Variants in SLC25A26 observed in about 807,000 individuals in gnomAD.
SLC25A26 encodes the protein mitochondrial S-adenosylmethionine carrier protein.
SLC25A26 carries 36 observed loss-of-function variants against 37.8 expected under a neutral mutation model. That is an observed-to-expected ratio of 0.95 (90% CI 0.73 to 1.26). The LOEUF is 1.26. Among genes scored for constraint, SLC25A26 ranks in the 50% most tolerant of loss-of-function variants. SLC25A26 has a pLI of 0.00. For missense variants in SLC25A26, 390 were observed against 331.1 expected (o/e 1.18, Z -1.38); for synonymous variants, 129 against 122.5 (o/e 1.05, Z -0.35).
At chr3:66,312,987 T>C (rs906501566) in intron 5 of SLC25A26, among the ~76,000 whole-genome samples, 12 of 152,298 alleles carry the variant, frequency 7.9e-5, no homozygotes, top group East Asian at 7.7e-4. Flanking sequence ...TTGTTTGTTT[T>C]TCATGTAAAT....
At chr3:66,189,495 A>G (rs1418296710) in intron 1 of SLC25A26, among the ~76,000 whole-genome samples, 1 of 152,102 alleles carries the variant, frequency 6.6e-6, no homozygotes, top group Non-Finnish European at 1.5e-5. Context: ...GACCCTTATA[A>G]TGATTCTGAC....
At chr3:66,200,802 A>G (rs2071098866) in intron 1 of SLC25A26, among the ~76,000 whole-genome samples, 1 of 152,246 alleles carries the variant, frequency 6.6e-6, no homozygotes, top group East Asian at 1.9e-4. Flanking sequence ...CAGAGGTGGT[A>G]TAAACCTTTG....
intron 5 of SLC25A26, among the ~76,000 whole-genome samples, chr3:66,343,592 T>C (rs1190722490): frequency 1.3e-5 from 2 of 152,230 alleles, no homozygotes; most frequent in Non-Finnish European, 2.9e-5. Flanking sequence ...TGTTTAATGA[T>C]AGAATTCAAA....
At chr3:66,257,565 G>A (rs1430289346) in intron 3 of SLC25A26, among the ~76,000 whole-genome samples, 1 of 152,110 alleles carries the variant, frequency 6.6e-6, no homozygotes, top group African/African-American at 2.4e-5. Flanking sequence ...AGTCATAGAC[G>A]GAGAGTCATG....
At chr3:66,286,854 G>A (rs2074529119) in intron 5 of SLC25A26, among the ~76,000 whole-genome samples, 1 of 151,912 alleles carries the variant, frequency 6.6e-6, no homozygotes, top group African/African-American at 2.4e-5. Context: ...ATAGAGGCGG[G>A]GTCTCACCAT....
chr3:66,136,051 T>C (rs1482953704), intron 1 of SLC25A26, among the ~76,000 whole-genome samples: 1 of 152,248 alleles, frequency 6.6e-6, no homozygotes, highest in Non-Finnish European at 1.5e-5. Context: ...CAGAAATTGA[T>C]GATAAAACTA....
intron 6 of SLC25A26, among the ~76,000 whole-genome samples, chr3:66,358,195 G>A (rs2076619763): frequency 1.3e-5 from 2 of 152,112 alleles, no homozygotes; most frequent in Admixed American, 1.3e-4. Context: ...CCTCCAAATA[G>A]ATGAGCAAAT....
intron 1 of SLC25A26, among the ~76,000 whole-genome samples, chr3:66,167,046 T>C (rs576220816): frequency 3.1e-4 from 47 of 152,320 alleles, no homozygotes; most frequent in African/African-American, 9.9e-4. Context: ...GCCTTTCACC[T>C]TCCACCATGA....
At chr3:66,204,552 C>A (rs2071153724) in intron 1 of SLC25A26, among the ~76,000 whole-genome samples, 1 of 151,798 alleles carries the variant, frequency 6.6e-6, no homozygotes, top group Admixed American at 6.6e-5. Context: ...TTTATCCTTT[C>A]GGATTTTCAG....
intron 5 of SLC25A26, among the ~76,000 whole-genome samples, chr3:66,264,538 T>A (rs778621260): frequency 6.6e-6 from 1 of 152,098 alleles, no homozygotes; most frequent in Non-Finnish European, 1.5e-5. Flanking sequence ...AGCATCAGAT[T>A]CTCATAGGAA....
intron 3 of SLC25A26, 98 bp from the exon 4 acceptor site, chr3:66,261,953 C>T (rs2073545430): frequency 1.5e-6 from 1 of 671,764 alleles, no homozygotes; most frequent in East Asian, 2.9e-5. Context: ...AGTAAGCCTA[C>T]ATATTATACC....
At chr3:66,354,471 C>G (rs2076530098) in intron 6 of SLC25A26, among the ~76,000 whole-genome samples, 1 of 152,102 alleles carries the variant, frequency 6.6e-6, no homozygotes, top group Non-Finnish European at 1.5e-5. Context: ...ATAATAATTA[C>G]TTAGATCTCT....
chr3:66,150,841 A>G (rs2070197417), intron 1 of SLC25A26, among the ~76,000 whole-genome samples: 2 of 151,316 alleles, frequency 1.3e-5, no homozygotes, highest in Admixed American at 6.6e-5. Context: ...CTTATTGGAT[A>G]TTTGATAGAC....
intron 1 of SLC25A26, among the ~76,000 whole-genome samples, chr3:66,180,433 T>G (rs555602814): frequency 5.3e-5 from 8 of 152,280 alleles, no homozygotes; most frequent in African/African-American, 1.7e-4. Flanking sequence ...AACTCTTGAC[T>G]CCTTCAGACC....
intron 1 of SLC25A26, 69 bp from the exon 2 acceptor site, chr3:66,236,475 C>A: frequency 7.7e-7 from 1 of 1,290,326 alleles, no homozygotes; most frequent in South Asian, 1.8e-5. Flanking sequence ...TCTTCGCCCC[C>A]AAGTGGCCGA....
At chr3:66,201,006 C>T (rs1371764654) in intron 1 of SLC25A26, among the ~76,000 whole-genome samples, 1 of 152,250 alleles carries the variant, frequency 6.6e-6, no homozygotes, top group South Asian at 2.1e-4. Flanking sequence ...GAGAAAAAGA[C>T]TGATATTTCT....
chr3:66,209,901 TATATATATATATATATATATA>T (rs2071258551), intron 1 of SLC25A26, among the ~76,000 whole-genome samples: 5 of 14,484 alleles, frequency 3.5e-4, no homozygotes, highest in African/African-American at 7.4e-4. Context: ...TCTCTATTTA[TATATATATATATATATATATA>T]TATATATATA....
chr3:66,297,469 C>A (rs1184370683), intron 5 of SLC25A26, among the ~76,000 whole-genome samples: 1 of 151,974 alleles, frequency 6.6e-6, no homozygotes, highest in Admixed American at 6.6e-5. Context: ...TGTTCTTTAT[C>A]AAAATATTAC....
chr3:66,234,847 T>C (rs1394903805), intron 1 of SLC25A26, among the ~76,000 whole-genome samples: 1 of 152,228 alleles, frequency 6.6e-6, no homozygotes, highest in Non-Finnish European at 1.5e-5. Context: ...ATGTATAGTT[T>C]AAAAATGTGT....
Sources: gnomAD v4.1 joint callset for allele counts (sites outside exome capture counted in the v4.1 genomes callset) on GRCh38, gnomAD v4.1.1 for gene constraint, MANE v1.5 for transcripts, NCBI Gene and HGNC (gene_info 2026-07-23, HGNC 2026-07-21) for gene names.